Variants in COMMD6 observed in about 807,000 individuals in gnomAD.
COMMD6 encodes the protein COMM domain containing 6, also known as COMM domain-containing protein 6.
A neutral mutation model predicts 13.4 loss-of-function variants in COMMD6; 11 were observed. The observed-to-expected ratio is 0.82, with a 90% CI of 0.52 to 1.36. The LOEUF (loss-of-function observed/expected upper bound fraction) is 1.36. Ranked by LOEUF, COMMD6 falls within the 40% of genes most tolerant of loss-of-function variation. The pLI is 0.00. For missense variants in COMMD6, 124 were observed against 102.4 expected (o/e 1.21, Z -0.91); for synonymous variants, 43 against 36.5 (o/e 1.18, Z -0.64).
chr13:75,525,224 T>G lies in COMMD6; in HGVS notation c.*1365A>C, dbSNP rs1288232566. On this transcript the variant is annotated 3_prime_UTR_variant, in exon 4 of 4. Coordinates refer to ENST00000682242, the MANE Select transcript of COMMD6 (RefSeq NM_203495.4). ...TTAAATTCAAAAGACAAACATGCAA[T>G]TTAAATTTATTTCAAATCTGCTACC... 8.3e-6 allele frequency: 1 copy of G among 120,212 alleles called. No homozygotes were observed. The highest frequency in any genetic ancestry group is 1.8e-5 in the Non-Finnish European group (1 of 56,030). The allele number at this position is 120,212 out of a possible 1,614,324, so 7.4% of individuals were successfully genotyped here. A position where few individuals can be genotyped will look rare whatever the true frequency, so the allele number is the denominator to read the frequency against.
intron 1 of COMMD6, among the ~76,000 whole-genome samples, chr13:75,544,966 A>G (rs962259805): frequency 5.3e-5 from 8 of 151,394 alleles, no homozygotes; most frequent in African/African-American, 1.9e-4. Context: ...TTAAGTAGGT[A>G]AAGTGCCTGG....
At chr13:75,544,732 C>T (rs1488599624) in intron 1 of COMMD6, among the ~76,000 whole-genome samples, 1 of 151,774 alleles carries the variant, frequency 6.6e-6, no homozygotes, top group Non-Finnish European at 1.5e-5. Context: ...TACTGCACTC[C>T]TAGGCAACAG....
In COMMD6 at chr13:75,536,260, A is replaced by C. The variant is rs568188264; in HGVS notation, c.54+1404T>G. Among the ~76,000 whole-genome samples the C allele has an allele frequency of 3.3e-5, 5 of 152,346 alleles. No homozygotes were observed. In the South Asian group the frequency reaches 8.3e-4, roughly 25 times the overall value. ...GAACTAAAGAACGTTCAACAATGGA[A>C]TCACCTTGCTGACTCTCACATTAAT... On this transcript the variant is annotated intron_variant, in intron 2 of 3. Transcript: ENST00000682242.
chr13:75,538,932 T>C (rs1399317300), upstream of COMMD6: 1 of 152,300 alleles, frequency 6.6e-6, no homozygotes, highest in Non-Finnish European at 1.5e-5. Context: ...TCAGCCTCAA[T>C]TCAGGTTGTT....
chr13:75,546,412 G>T (rs903835104), intron 1 of COMMD6, among the ~76,000 whole-genome samples: 1 of 152,166 alleles, frequency 6.6e-6, no homozygotes, highest in South Asian at 2.1e-4. Context: ...TAAGGTTGGA[G>T]AAATCACCAA....
rs2030277952 is a variant in COMMD6 at position 75,526,729 on chromosome 13, A to G, written c.208-90T>C. ...ATTATATCTGACTACCGGAGACTAT[A>G]TAACATATTAAGTTTGCATTTTAGT... is the stretch of plus-strand genomic sequence containing the variant. On this transcript the variant is annotated intron_variant, in intron 3 of 3. Coordinates refer to ENST00000682242, the MANE Select transcript of COMMD6 (RefSeq NM_203495.4). 3 of 788,764 alleles carry G rather than the reference A, an allele frequency of 3.8e-6. No homozygotes were observed. The African/African-American group carries it at 5.3e-5, about 14-fold the overall frequency. 48.9% of individuals were successfully genotyped at this position (788,764 alleles called of 1,614,324 possible). A position where few individuals can be genotyped will look rare whatever the true frequency, so the allele number is the denominator to read the frequency against.
chr13:75,539,803 C>A (rs979418515), upstream of COMMD6, among the ~76,000 whole-genome samples: 9 of 151,816 alleles, frequency 5.9e-5, no homozygotes, highest in South Asian at 2.1e-4. Flanking sequence ...ACAAAAAAAC[C>A]CCCCACTGAC....
At position 75,526,531 on chromosome 13, in the gene COMMD6, C is replaced by G; in HGVS notation, c.*58G>C. ...TTCCATCCTTATTTAGTTTTGTTGC[C>G]GAAAGTGAAGTCCATGACTTTAGAA... is the stretch of plus-strand genomic sequence containing the variant. On this transcript the variant is annotated 3_prime_UTR_variant, in exon 4 of 4. Transcript: ENST00000682242. The G allele has an allele frequency of 8.4e-7, 1 of 1,185,548 alleles. No individual in the cohort carries two copies. The highest frequency in any genetic ancestry group is 1.5e-5 in the South Asian group (1 of 65,002). The allele number at this position is 1,185,548 out of a possible 1,614,324, so 73.4% of individuals were successfully genotyped here.
chr13:75,526,624 A>T lies in COMMD6; in HGVS notation c.223T>A (p.Phe75Ile), dbSNP rs2030272039. The change falls in exon 4 of 4, where the codon TTC (phenylalanine) becomes ATC (isoleucine). Residue 75 changes from phenylalanine to isoleucine, a missense_variant. Coordinates refer to ENST00000682242, the MANE Select transcript of COMMD6 (RefSeq NM_203495.4). ...IPQFQNFYRQFKEIAAVIETV is the reference protein window; with the variant it reads ...IPQFQNFYRQIKEIAAVIETV ...TCAATAACTGCAGCAATTTCCTTGA[A>T]CTGTCTGTAGAAATTCTGGAGAGAA... is the stretch of plus-strand genomic sequence containing the variant. 1 of 1,605,706 alleles carries T rather than the reference A, an allele frequency of 6.2e-7. No individual in the cohort carries two copies. The highest frequency in any genetic ancestry group is 8.5e-7 in the Non-Finnish European group (1 of 1,174,904).
chr13:75,538,751 AC>A (rs1326213039), upstream of COMMD6: 3 of 152,140 alleles, frequency 2.0e-5, no homozygotes, highest in East Asian at 1.9e-4. Flanking sequence ...GTTATTCCCT[AC>A]CCCATCCACA....
At chr13:75,534,883 G>A (rs2030609369) in intron 2 of COMMD6, among the ~76,000 whole-genome samples, 2 of 152,132 alleles carry the variant, frequency 1.3e-5, no homozygotes, top group South Asian at 2.1e-4. Flanking sequence ...GTAAGAGAGG[G>A]AGGCCTCACT....
Position 75,534,725 on chromosome 13 carries a change from C to A in COMMD6, c.54+2939G>T, listed in dbSNP as rs1336786511. Among the ~76,000 whole-genome samples the A allele has an allele frequency of 2.0e-5, 3 of 151,986 alleles. No homozygotes were observed. In the East Asian group the frequency reaches 5.8e-4, roughly 29 times the overall value. ...AAGTAAAATGAATATAAAGAATAAT[C>A]AGAAAGTAAATATATAAAAAGGTAA... On this transcript the variant is annotated intron_variant, in intron 2 of 3. Transcript: ENST00000682242.
chr13:75,542,290 C>CTT (rs59815923), upstream of COMMD6, among the ~76,000 whole-genome samples: 2,476 of 138,078 alleles, frequency 0.018, 77 homozygotes, highest in African/African-American at 0.055. Flanking sequence ...TCTTTCTTTC[C>CTT]TTTTTTTTTT....
intron 3 of COMMD6, among the ~76,000 whole-genome samples, chr13:75,529,243 G>A (rs769427263): frequency 2.0e-5 from 3 of 152,032 alleles, no homozygotes; most frequent in Non-Finnish European, 2.9e-5. Context: ...AAACCTGGCC[G>A]GGCCCGGTGG....
chr13:75,527,335 A>G (rs2030298275), intron 3 of COMMD6, among the ~76,000 whole-genome samples: 1 of 152,178 alleles, frequency 6.6e-6, no homozygotes, highest in African/African-American at 2.4e-5. Context: ...TTGCTACTTA[A>G]GAGGATTTGT....
chr13:75,537,365 C>T, intron 2 of COMMD6: 1 of 1,550,846 alleles, frequency 6.4e-7, no homozygotes, highest in Non-Finnish European at 8.7e-7. Flanking sequence ...ACTTCTTTAT[C>T]CAACACTTTA....
At chr13:75,534,758 A>G (rs770018093) in intron 2 of COMMD6, among the ~76,000 whole-genome samples, 3 of 152,242 alleles carry the variant, frequency 2.0e-5, no homozygotes, top group Non-Finnish European at 4.4e-5. Flanking sequence ...TAAACACACA[A>G]ATTAGCTGTA....
intron 2 of COMMD6, among the ~76,000 whole-genome samples, chr13:75,536,878 A>G (rs1477919162): frequency 1.3e-5 from 2 of 152,240 alleles, no homozygotes; most frequent in Non-Finnish European, 2.9e-5. Context: ...TGACTTATGA[A>G]AGATTGACTC....
chr13:75,532,507 A>G (rs1385474072), intron 2 of COMMD6, among the ~76,000 whole-genome samples: 1 of 152,222 alleles, frequency 6.6e-6, no homozygotes, highest in Non-Finnish European at 1.5e-5. Flanking sequence ...TACAGATGAA[A>G]AGAGTCGAAA....
Sources: allele counts gnomAD v4.1 joint callset (sites outside exome capture counted in the v4.1 genomes callset), GRCh38; gene constraint gnomAD v4.1.1; transcripts MANE v1.5; gene names NCBI Gene and HGNC (gene_info 2026-07-23, HGNC 2026-07-21).